Variants in KPNA6 observed in about 807,000 individuals in gnomAD.
The protein encoded by KPNA6 is karyopherin subunit alpha 6, also known as importin subunit alpha-7.
KPNA6 carries 9 observed loss-of-function variants against 72.0 expected under a neutral mutation model. The observed-to-expected ratio is 0.13, with a 90% CI of 0.08 to 0.22. The LOEUF is 0.22. Among genes scored for constraint, KPNA6 ranks in the 10% least tolerant of loss-of-function variants. The probability of loss-of-function intolerance (pLI) is 1.00; values close to 1 mark genes in which losing one functional copy is unlikely to be tolerated. For synonymous variants in KPNA6, 219 were observed against 242.1 expected (o/e 0.90, Z 0.89); for missense variants, 374 against 655.7 (o/e 0.57, Z 4.69).
intron 1 of KPNA6, among the ~76,000 whole-genome samples, chr1:32,132,642 G>C (rs1220208779): frequency 6.6e-6 from 1 of 152,104 alleles, no homozygotes; most frequent in African/African-American, 2.4e-5. Context: ...GGTGGCTCAA[G>C]CCTGTAATCC....
chr1:32,146,535 T>G (rs774232939), intron 1 of KPNA6, among the ~76,000 whole-genome samples: 2 of 152,212 alleles, frequency 1.3e-5, no homozygotes, highest in Non-Finnish European at 2.9e-5. Context: ...ATATTCTAAC[T>G]TTATAACACT....
intron 10 of KPNA6, 81 bp from the exon 11 acceptor site, chr1:32,166,022 AAC>A: frequency 1.4e-6 from 2 of 1,461,510 alleles, no homozygotes; most frequent in Admixed American, 2.3e-5. Flanking sequence ...AAACAACAAC[AAC>A]AACAACAACA....
At chr1:32,147,645 C>A (rs1370059909) in intron 1 of KPNA6, among the ~76,000 whole-genome samples, 1 of 108,252 alleles carries the variant, frequency 9.2e-6, no homozygotes, top group African/African-American at 3.6e-5. Flanking sequence ...TTCGTGATTT[C>A]TTTTCTTTTT....
chr1:32,169,763 C>G, intron 12 of KPNA6, 119 bp from the exon 13 acceptor site: 1 of 953,252 alleles, frequency 1.0e-6, no homozygotes, highest in Non-Finnish European at 1.5e-6. Context: ...CTCGGCCTCA[C>G]AATTCTTAAA....
At chr1:32,150,793 A>C (rs766687436) in intron 1 of KPNA6, among the ~76,000 whole-genome samples, 26 of 151,922 alleles carry the variant, frequency 1.7e-4, no homozygotes, top group Non-Finnish European at 3.5e-4. Context: ...AGCTCAGCTA[A>C]TTTTTGTATT....
At chr1:32,121,804 A>T (rs1204963642) in intron 1 of KPNA6, among the ~76,000 whole-genome samples, 2 of 140,150 alleles carry the variant, frequency 1.4e-5, no homozygotes, top group East Asian at 4.3e-4. Flanking sequence ...GAAACCCCAG[A>T]TCTACTAAAA....
chr1:32,133,214 C>T (rs932084044), intron 1 of KPNA6, among the ~76,000 whole-genome samples: 7 of 151,474 alleles, frequency 4.6e-5, no homozygotes, highest in African/African-American at 1.7e-4. Flanking sequence ...TGTGGTGGTA[C>T]ACACCTGTAG....
intron 1 of KPNA6, among the ~76,000 whole-genome samples, chr1:32,124,526 C>A (rs61780258): frequency 2.9e-3 from 410 of 143,390 alleles, no homozygotes; most frequent in Non-Finnish European, 4.9e-3. Context: ...TTTTTTTTTC[C>A]AACAGTCTCT....
rs1363755207 is a variant in KPNA6 at position 32,167,221 on chromosome 1, C to CA, written c.1170dup (p.Glu391ArgfsTer22). On this transcript the variant is annotated frameshift_variant, in exon 12 of 14. Coordinates refer to ENST00000373625, the MANE Select transcript of KPNA6 (RefSeq NM_012316.5). LOFTEE classifies it high-confidence loss of function. ...GTGTTGATCGAAATCCTTCAGAAAGCAGAGTTTCGTACAAGGAAAGAGGCA... is the reference window on the plus strand; with the variant it reads ...GTGTTGATCGAAATCCTTCAGAAAGCAAGAGTTTCGTACAAGGAAAGAGGCA... 6.2e-7 allele frequency: 1 copy of CA among 1,614,016 alleles called. No homozygotes were observed. The highest frequency in any genetic ancestry group is 8.5e-7 in the Non-Finnish European group (1 of 1,179,962).
intron 1 of KPNA6, among the ~76,000 whole-genome samples, chr1:32,147,372 G>A (rs946030245): frequency 2.0e-5 from 3 of 152,118 alleles, no homozygotes; most frequent in Admixed American, 1.3e-4. Flanking sequence ...AGTCACTGCA[G>A]CATCAACCTC....
intron 1 of KPNA6, among the ~76,000 whole-genome samples, chr1:32,136,050 T>A (rs1641728965): frequency 6.6e-6 from 1 of 152,192 alleles, no homozygotes; most frequent in Non-Finnish European, 1.5e-5. Flanking sequence ...AACCAGAGGC[T>A]CCAAACTAGT....
Position 32,137,980 on chromosome 1 carries a change from C to T in KPNA6, c.5-16608C>T, listed in dbSNP as rs1420467223. Among the ~76,000 whole-genome samples, 36 of 151,490 alleles carry T rather than the reference C, an allele frequency of 2.4e-4. 1 individual carries two copies. On this transcript the variant is annotated intron_variant, in intron 1 of 13. Coordinates refer to ENST00000373625, the MANE Select transcript of KPNA6 (RefSeq NM_012316.5). Reference sequence around the variant, plus strand: ...TGAAACCCCATCTCTACTAAAAATACAAAAATTAGCTGGGCATGGTGGTGG... The same window carrying T: ...TGAAACCCCATCTCTACTAAAAATATAAAAATTAGCTGGGCATGGTGGTGG...
chr1:32,151,696 T>C (rs1156850638), intron 1 of KPNA6, among the ~76,000 whole-genome samples: 1 of 152,198 alleles, frequency 6.6e-6, no homozygotes, highest in African/African-American at 2.4e-5. Flanking sequence ...CGTTTCCCTC[T>C]TGGAGAATCA....
In KPNA6 at chr1:32,172,944, C is replaced by T. The variant is rs1227682524; in HGVS notation, c.*2050C>T. On this transcript the variant is annotated 3_prime_UTR_variant, in exon 14 of 14. Coordinates refer to ENST00000373625, the MANE Select transcript of KPNA6 (RefSeq NM_012316.5). ...TGGCCATTGATCTTGAATTTGCCCT[C>T]TCCTAGTGCTGCAGTCCCACTTCAA... The T allele has an allele frequency of 7.6e-6, 3 of 397,140 alleles. No homozygotes were observed. Among genetic ancestry groups the T allele is most frequent in the Non-Finnish European group, 1.3e-5 (3 of 225,632 alleles). The allele number at this position is 397,140 out of a possible 1,614,324, so 24.6% of individuals were successfully genotyped here.
intron 1 of KPNA6, among the ~76,000 whole-genome samples, chr1:32,154,345 C>T (rs1466271318): frequency 6.6e-6 from 1 of 151,646 alleles, no homozygotes; most frequent in African/African-American, 2.4e-5. Flanking sequence ...TCTCTAGGGC[C>T]CACACTTTTA....
rs576530421 is a variant in KPNA6 at position 32,147,637 on chromosome 1, C to G, written c.5-6951C>G. On this transcript the variant is annotated intron_variant, in intron 1 of 13. Coordinates refer to ENST00000373625, the MANE Select transcript of KPNA6 (RefSeq NM_012316.5). ...TCTTATTCTACTGCCTTCTGACTTT[C>G]GTGATTTCTTTTCTTTTTTTTTTTT... is the stretch of plus-strand genomic sequence containing the variant. 2.9e-5 allele frequency among the ~76,000 whole-genome samples: 4 copies of G among 138,230 alleles called. No homozygotes were observed. In the South Asian group the frequency reaches 9.7e-4, roughly 33 times the overall value. The allele number at this position is 138,230 out of a possible 152,430, so 90.7% of individuals were successfully genotyped here.
chr1:32,120,284 G>T (rs528637047), intron 1 of KPNA6, among the ~76,000 whole-genome samples: 1 of 145,942 alleles, frequency 6.9e-6, no homozygotes, highest in Non-Finnish European at 1.5e-5. Flanking sequence ...TCGCTCTGCC[G>T]CACAGGCTGG....
intron 1 of KPNA6, among the ~76,000 whole-genome samples, chr1:32,109,853 T>G (rs1641215064): frequency 6.6e-6 from 1 of 151,838 alleles, no homozygotes; most frequent in African/African-American, 2.4e-5. Context: ...AGACGGGGTT[T>G]CACCGTGTTA....
At chr1:32,157,783 T>G (rs1642170424) in intron 4 of KPNA6, among the ~76,000 whole-genome samples, 1 of 152,172 alleles carries the variant, frequency 6.6e-6, no homozygotes, top group Admixed American at 6.5e-5. Context: ...CACTAGGATA[T>G]AAACTCTCTG....
Sources: allele counts gnomAD v4.1 joint callset (sites outside exome capture counted in the v4.1 genomes callset), GRCh38; gene constraint gnomAD v4.1.1; transcripts MANE v1.5; gene names NCBI Gene and HGNC (gene_info 2026-07-23, HGNC 2026-07-21).